The following FGF12 variants were observed in gnomAD, a reference collection of about 807,000 sequenced individuals.
The protein encoded by FGF12 is fibroblast growth factor 12B.
A neutral mutation model predicts 23.6 loss-of-function variants in FGF12; 14 were observed. That is an observed-to-expected ratio of 0.59 (90% CI 0.39 to 0.93). The LOEUF (loss-of-function observed/expected upper bound fraction) is 0.93, where lower values mean the gene tolerates loss of function less well. Ranked by LOEUF, FGF12 falls within the 40% of genes least tolerant of loss-of-function variation. The pLI is 0.00. For synonymous variants in FGF12, 62 were observed against 77.3 expected (o/e 0.80, Z 1.04); for missense variants, 175 against 217.8 (o/e 0.80, Z 1.24).
intron 2 of FGF12, among the ~76,000 whole-genome samples, chr3:192,492,582 A>G (rs1309784800): frequency 6.6e-6 from 1 of 152,214 alleles, no homozygotes. Flanking sequence ...GTTAAAAAAA[A>G]GTATGGTTAT....
At chr3:192,504,165 A>G (rs746372837) in intron 2 of FGF12, among the ~76,000 whole-genome samples, 4 of 152,090 alleles carry the variant, frequency 2.6e-5, no homozygotes, top group Non-Finnish European at 5.9e-5. Flanking sequence ...TAAGAGAGGA[A>G]CCACGGACGC....
At chr3:192,689,911 A>G (rs1717888449) in intron 2 of FGF12, among the ~76,000 whole-genome samples, 1 of 152,118 alleles carries the variant, frequency 6.6e-6, no homozygotes, top group South Asian at 2.1e-4. Flanking sequence ...CAGGAAGAAA[A>G]AAAAAGCAAA....
intron 2 of FGF12, among the ~76,000 whole-genome samples, chr3:192,630,994 A>G (rs1291110584): frequency 1.3e-5 from 2 of 151,868 alleles, no homozygotes; most frequent in African/African-American, 4.8e-5. Flanking sequence ...TTTCCCCCCA[A>G]ATTTTGCCTC....
At chr3:192,591,555 C>A (rs1448929039) in intron 2 of FGF12, among the ~76,000 whole-genome samples, 1 of 151,724 alleles carries the variant, frequency 6.6e-6, no homozygotes, top group Non-Finnish European at 1.5e-5. Context: ...AGGCCAAGGC[C>A]CATCAAGCCC....
chr3:192,547,231 T>C (rs1407649185), intron 2 of FGF12, among the ~76,000 whole-genome samples: 2 of 152,200 alleles, frequency 1.3e-5, no homozygotes, highest in Admixed American at 6.5e-5. Flanking sequence ...GCAATTTCCA[T>C]TGGTAGTAGA....
intron 2 of FGF12, among the ~76,000 whole-genome samples, chr3:192,424,713 GT>G (rs1225515428): frequency 2.0e-5 from 3 of 152,058 alleles, no homozygotes; most frequent in Non-Finnish European, 4.4e-5. Context: ...CAGGAGGAGA[GT>G]CTATAAACAA....
intron 2 of FGF12, among the ~76,000 whole-genome samples, chr3:192,564,127 G>C (rs965891978): frequency 6.6e-6 from 1 of 151,966 alleles, no homozygotes. Context: ...GCAGTGGCGC[G>C]ATCTCAGCTC....
rs1323666840 is a variant in FGF12 at position 192,143,422 on chromosome 3, A to G, written c.*587T>C. The G allele has an allele frequency of 6.6e-6, 1 of 152,146 alleles. No individual in the cohort carries two copies. The highest frequency in any genetic ancestry group is 2.4e-5 in the African/African-American group (1 of 41,452). The allele number at this position is 152,146 out of a possible 1,614,324, so 9.4% of individuals were successfully genotyped here. A position where few individuals can be genotyped will look rare whatever the true frequency, so the allele number is the denominator to read the frequency against. ...ATAATTTCTTACACTTTTCTTGATG[A>G]TAAATGGTTCCTGGCTATATATTTT... On this transcript the variant is annotated 3_prime_UTR_variant, in exon 6 of 6. Coordinates refer to ENST00000445105, the MANE Select transcript of FGF12 (RefSeq NM_004113.6).
chr3:192,578,025 G>A (rs777735717), intron 2 of FGF12, among the ~76,000 whole-genome samples: 9 of 152,074 alleles, frequency 5.9e-5, no homozygotes, highest in Non-Finnish European at 1.2e-4. Context: ...TATGGTTGGC[G>A]GGGGGCAGGG....
At chr3:192,447,977 T>C (rs1177686344) in intron 2 of FGF12, among the ~76,000 whole-genome samples, 1 of 152,238 alleles carries the variant, frequency 6.6e-6, no homozygotes. Flanking sequence ...TTCACAGCCC[T>C]TTTTGCCTGA....
At chr3:192,540,397 C>T (rs983385853) in intron 2 of FGF12, among the ~76,000 whole-genome samples, 9 of 151,852 alleles carry the variant, frequency 5.9e-5, no homozygotes, top group African/African-American at 1.9e-4. Context: ...TTCTTTGGCC[C>T]ATTGGTCATT....
chr3:192,256,505 G>A lies in FGF12; in HGVS notation c.228+78856C>T, dbSNP rs530231143. On this transcript the variant is annotated intron_variant, in intron 4 of 5. Transcript: ENST00000445105. ...TTTATATATTTTAAGTAAAATATGC[G>A]GGTTTACTTTCTTTAGAAATGATGT... 2.1e-4 allele frequency among the ~76,000 whole-genome samples: 32 copies of A among 151,592 alleles called. No homozygotes were observed. The East Asian group carries it at 3.5e-3, about 16-fold the overall frequency.
chr3:192,316,962 C>T (rs976900967), intron 4 of FGF12, among the ~76,000 whole-genome samples: 2 of 152,106 alleles, frequency 1.3e-5, no homozygotes, highest in Non-Finnish European at 2.9e-5. Flanking sequence ...CCCTAGCTCC[C>T]AGATGAAATT....
intron 2 of FGF12, among the ~76,000 whole-genome samples, chr3:192,723,452 C>T (rs1171526665): frequency 1.3e-5 from 2 of 152,096 alleles, no homozygotes; most frequent in Non-Finnish European, 2.9e-5. Flanking sequence ...TACACCAGTG[C>T]TTCTTAAATG....
At chr3:192,523,798 G>C (rs532134607) in intron 2 of FGF12, among the ~76,000 whole-genome samples, 7 of 152,296 alleles carry the variant, frequency 4.6e-5, no homozygotes, top group African/African-American at 1.7e-4. Flanking sequence ...TACAAACAAT[G>C]TTGAGATGGA....
intron 4 of FGF12, among the ~76,000 whole-genome samples, chr3:192,216,664 T>G (rs1399986223): frequency 6.6e-6 from 1 of 152,208 alleles, no homozygotes; most frequent in Non-Finnish European, 1.5e-5. Context: ...GAAAACAATC[T>G]CTAAATAGTT....
intron 2 of FGF12, among the ~76,000 whole-genome samples, chr3:192,668,403 C>G (rs1716978955): frequency 6.6e-6 from 1 of 152,120 alleles, no homozygotes; most frequent in Non-Finnish European, 1.5e-5. Flanking sequence ...AAATATGACT[C>G]CTGCCTAGTA....
rs182159716 is a variant in FGF12 at position 192,691,207 on chromosome 3, A to G, written c.13+35974T>C. Among the ~76,000 whole-genome samples, 598 of 152,232 alleles carry G rather than the reference A, an allele frequency of 3.9e-3. 5 individuals are homozygous for G. Among genetic ancestry groups the G allele is most frequent in the African/African-American group, 0.013 (545 of 41,570 alleles). On this transcript the variant is annotated intron_variant, in intron 2 of 5. Transcript: ENST00000445105. The stretch of plus-strand genomic sequence containing the variant: ...TGAGCCTAACAGCCATTTACAGAAC[A>G]TTCTATCCATCAGCAACAGAAAACA...
At chr3:192,674,502 T>G (rs1253142849) in intron 2 of FGF12, among the ~76,000 whole-genome samples, 1 of 152,188 alleles carries the variant, frequency 6.6e-6, no homozygotes, top group African/African-American at 2.4e-5. Flanking sequence ...TAAAGGACGG[T>G]TTCGAACTTC....
Sources: allele counts gnomAD v4.1 joint callset (sites outside exome capture counted in the v4.1 genomes callset), GRCh38; gene constraint gnomAD v4.1.1; transcripts MANE v1.5; gene names NCBI Gene and HGNC (gene_info 2026-07-23, HGNC 2026-07-21).